ADAM10: variants seen among roughly 807,000 people sequenced by gnomAD.
ADAM10 encodes disintegrin and metalloproteinase domain-containing protein 10.
Under a neutral mutation model 90.1 loss-of-function variants are expected in ADAM10, and 17 were observed. The observed-to-expected ratio is 0.19, with a 90% CI of 0.13 to 0.28. ADAM10 has a LOEUF of 0.28. Ranked by LOEUF, ADAM10 falls within the 10% of genes least tolerant of loss-of-function variation. ADAM10 has a pLI of 1.00. For synonymous variants in ADAM10, 310 were observed against 298.6 expected (o/e 1.04, Z -0.40); for missense variants, 610 against 914.3 (o/e 0.67, Z 4.29).
At chr15:58,606,860 A>G (rs1444087509) in intron 14 of ADAM10, among the ~76,000 whole-genome samples, 2 of 152,208 alleles carry the variant, frequency 1.3e-5, no homozygotes, top group African/African-American at 4.8e-5. Context: ...GAGTTGGCAA[A>G]TATTTCCCAT....
intron 2 of ADAM10, among the ~76,000 whole-genome samples, chr15:58,700,877 G>T (rs949044109): frequency 6.6e-6 from 1 of 151,432 alleles, no homozygotes; most frequent in Admixed American, 6.6e-5. Context: ...ACAGCCCAGA[G>T]CCCTGTAGTT....
At position 58,651,527 on chromosome 15, in the gene ADAM10, T is replaced by C. The variant is rs192565445; in HGVS notation, c.586-5323A>G. The stretch of plus-strand genomic sequence containing the variant: ...TATGTGAAGTTTGTCTTTCTGTGCC[T>C]AGCTTATTGCACTTAACATAATGAC... On this transcript the variant is annotated intron_variant, in intron 5 of 15. Coordinates refer to ENST00000260408, the MANE Select transcript of ADAM10 (RefSeq NM_001110.4). Among the ~76,000 whole-genome samples, 529 of 152,332 alleles carry C rather than the reference T, an allele frequency of 3.5e-3. 3 individuals are homozygous for C. Among genetic ancestry groups the C allele is most frequent in the African/African-American group, 0.012 (509 of 41,564 alleles).
At chr15:58,640,994 A>C (rs559431936) in intron 7 of ADAM10, 34 bp from the exon 8 acceptor site, 1 of 1,581,950 alleles carries the variant, frequency 6.3e-7, no homozygotes, top group African/African-American at 1.3e-5. Context: ...GTAAGTAATT[A>C]ATGTTAGCAG....
At chr15:58,668,603 G>C (rs1161768687) in intron 4 of ADAM10, among the ~76,000 whole-genome samples, 1 of 148,768 alleles carries the variant, frequency 6.7e-6, no homozygotes, top group Non-Finnish European at 1.5e-5. Flanking sequence ...CCTCCCCAGG[G>C]AAGTCTTCCT....
intron 2 of ADAM10, among the ~76,000 whole-genome samples, chr15:58,712,779 T>TC (rs141524770): frequency 0.016 from 2,355 of 151,120 alleles, 70 homozygotes; most frequent in African/African-American, 0.053. Flanking sequence ...TAAGCCAAGT[T>TC]CCCCCCACTG....
chr15:58,597,983 C>A (rs955548545), intron 15 of ADAM10, among the ~76,000 whole-genome samples: 3 of 152,070 alleles, frequency 2.0e-5, no homozygotes, highest in African/African-American at 4.8e-5. Flanking sequence ...TCAATGGAAA[C>A]TAGCAACAAT....
At chr15:58,659,572 G>A (rs1896919674) in intron 5 of ADAM10, among the ~76,000 whole-genome samples, 1 of 152,034 alleles carries the variant, frequency 6.6e-6, no homozygotes, top group Non-Finnish European at 1.5e-5. Context: ...TGAGCATAAT[G>A]TGTTTTTTTA....
chr15:58,694,581 T>C (rs749715338), intron 2 of ADAM10, among the ~76,000 whole-genome samples: 1 of 152,054 alleles, frequency 6.6e-6, no homozygotes, highest in Non-Finnish European at 1.5e-5. Flanking sequence ...CCAGCAATTC[T>C]ACTCAAGAAA....
At chr15:58,700,780 G>A (rs1180633130) in intron 2 of ADAM10, among the ~76,000 whole-genome samples, 6 of 152,090 alleles carry the variant, frequency 3.9e-5, no homozygotes, top group East Asian at 3.9e-4. Context: ...CCTGAGAGGT[G>A]GAAATGGGAG....
Position 58,596,382 on chromosome 15 carries a change from T to C in ADAM10, c.*1165A>G, listed in dbSNP as rs1894950683. The C allele has an allele frequency of 6.6e-6, 1 of 152,634 alleles. No homozygotes were observed. 9.5% of individuals were successfully genotyped at this position (152,634 alleles called of 1,614,324 possible). A position where few individuals can be genotyped will look rare whatever the true frequency, so the allele number is the denominator to read the frequency against. Reference sequence around the variant, plus strand: ...GAATGGGACATTGTGCTGTTTCACCTTCAATGCTGTTAAAAATTTTAGGAA... The same window carrying C: ...GAATGGGACATTGTGCTGTTTCACCCTCAATGCTGTTAAAAATTTTAGGAA... On this transcript the variant is annotated 3_prime_UTR_variant, in exon 16 of 16. Transcript: ENST00000260408.
intron 4 of ADAM10, among the ~76,000 whole-genome samples, chr15:58,674,283 G>C (rs1897264663): frequency 6.6e-6 from 1 of 152,126 alleles, no homozygotes; most frequent in African/African-American, 2.4e-5. Context: ...GCTTAAATAA[G>C]TTCAGTATCT....
chr15:58,636,425 G>A (rs1335870340), intron 8 of ADAM10, among the ~76,000 whole-genome samples: 1 of 152,072 alleles, frequency 6.6e-6, no homozygotes, highest in Non-Finnish European at 1.5e-5. Flanking sequence ...GTTTTGATAT[G>A]CCAGAAAACT....
intron 1 of ADAM10, among the ~76,000 whole-genome samples, chr15:58,746,260 G>C (rs1052973941): frequency 9.2e-5 from 14 of 152,186 alleles, no homozygotes; most frequent in African/African-American, 3.4e-4. Flanking sequence ...ACACACAAAA[G>C]GCATCATGGA....
intron 2 of ADAM10, among the ~76,000 whole-genome samples, chr15:58,710,105 C>A (rs1440044700): frequency 6.6e-6 from 1 of 152,028 alleles, no homozygotes; most frequent in South Asian, 2.1e-4. Context: ...TGGTGAAACC[C>A]CATCTCTACT....
At chr15:58,731,922 G>A (rs551188264) in intron 1 of ADAM10, among the ~76,000 whole-genome samples, 2 of 152,170 alleles carry the variant, frequency 1.3e-5, no homozygotes, top group Non-Finnish European at 2.9e-5. Context: ...GTCATGGGGT[G>A]GAGACTTCTG....
Position 58,692,196 on chromosome 15 carries a change from A to G in ADAM10, c.207-9882T>C, listed in dbSNP as rs1308253678. ...TCTAAAAAAGGTCAAAGGGAGCCTG[A>G]TGAGGGATGAACAGCAATGCCCTGA... On this transcript the variant is annotated intron_variant, in intron 2 of 15. Coordinates refer to ENST00000260408, the MANE Select transcript of ADAM10 (RefSeq NM_001110.4). The G allele has an allele frequency of 7.1e-6, 4 of 561,748 alleles. No homozygotes were observed. The African/African-American group carries it at 7.6e-5, about 11-fold the overall frequency. 34.8% of individuals were successfully genotyped at this position (561,748 alleles called of 1,614,324 possible). A position where few individuals can be genotyped will look rare whatever the true frequency, so the allele number is the denominator to read the frequency against.
intron 2 of ADAM10, among the ~76,000 whole-genome samples, chr15:58,699,376 A>G (rs1303690998): frequency 6.6e-6 from 1 of 152,232 alleles, no homozygotes; most frequent in African/African-American, 2.4e-5. Flanking sequence ...GGTAGAGCAG[A>G]TACACAAATG....
chr15:58,602,884 T>C (rs144087540), intron 14 of ADAM10, among the ~76,000 whole-genome samples: 10 of 152,342 alleles, frequency 6.6e-5, no homozygotes, highest in Non-Finnish European at 1.5e-4. Context: ...TGGAATGCAA[T>C]TCAACCTTAC....
intron 10 of ADAM10, among the ~76,000 whole-genome samples, chr15:58,623,968 C>T (rs1288335018): frequency 2.1e-5 from 3 of 141,870 alleles, no homozygotes; most frequent in African/African-American, 8.0e-5. Context: ...TATCCCGGAA[C>T]TTAAAGTGAA....
Sources: gnomAD v4.1 joint callset for allele counts (sites outside exome capture counted in the v4.1 genomes callset) on GRCh38, gnomAD v4.1.1 for gene constraint, MANE v1.5 for transcripts, NCBI Gene and HGNC (gene_info 2026-07-23, HGNC 2026-07-21) for gene names.